The following SNTB1 variants were observed in gnomAD, a reference collection of about 807,000 sequenced individuals.
The protein encoded by SNTB1 is syntrophin beta 1.
SNTB1 carries 36 observed loss-of-function variants against 48.9 expected under a neutral mutation model. The observed-to-expected ratio is 0.74, with a 90% CI of 0.56 to 0.97. The LOEUF (loss-of-function observed/expected upper bound fraction) is 0.97, where lower values mean the gene tolerates loss of function less well. SNTB1 is among the 50% of genes least tolerant of loss of function. The pLI is 0.00. For synonymous variants in SNTB1, 299 were observed against 294.6 expected (o/e 1.01, Z -0.15); for missense variants, 786 against 703.4 (o/e 1.12, Z -1.33).
chr8:120,739,816 C>T (rs1819013208), intron 1 of SNTB1, among the ~76,000 whole-genome samples: 1 of 152,198 alleles, frequency 6.6e-6, no homozygotes, highest in Non-Finnish European at 1.5e-5. Context: ...CTCTTCTTTA[C>T]ATTTTTGCCT....
rs1165602571 is a variant in SNTB1 at position 120,811,325 on chromosome 8, G to C, written c.519C>G (p.His173Gln). Reference protein sequence around the residue: ...VNGADLRDATHDEAVQALKRA... With the variant: ...VNGADLRDATQDEAVQALKRA... ...GCTTCAACGCCTGCACCGCCTCGTC[G>C]TGGGTGGCGTCCCGCAGGTCGGCTC... is the stretch of plus-strand genomic sequence containing the variant. Residue 173 changes from histidine to glutamine, a missense_variant, in exon 1 of 7, where the codon CAC becomes CAG. By Grantham distance (24) the His-to-Gln change is conservative. Coordinates refer to ENST00000517992, the MANE Select transcript of SNTB1 (RefSeq NM_021021.4). 1 of 1,611,190 alleles carries C rather than the reference G, an allele frequency of 6.2e-7. No individual in the cohort carries two copies. Among genetic ancestry groups the C allele is most frequent in the Non-Finnish European group, 8.5e-7 (1 of 1,179,754 alleles).
intron 3 of SNTB1, among the ~76,000 whole-genome samples, chr8:120,596,030 T>C (rs1291950363): frequency 6.6e-6 from 1 of 152,168 alleles, no homozygotes; most frequent in Non-Finnish European, 1.5e-5. Context: ...TGTGTTTCTG[T>C]GTGTGTTCAA....
At chr8:120,551,172 T>C (rs1400045588) in intron 4 of SNTB1, among the ~76,000 whole-genome samples, 4 of 151,232 alleles carry the variant, frequency 2.6e-5, no homozygotes, top group African/African-American at 9.7e-5. Flanking sequence ...AGAAAACTGC[T>C]TGAACCTGGG....
chr8:120,650,831 A>G (rs1294364602), intron 2 of SNTB1, among the ~76,000 whole-genome samples: 6 of 152,168 alleles, frequency 3.9e-5, no homozygotes. Context: ...AGCAGCCCAT[A>G]TTCTCACCAA....
Position 120,811,909 on chromosome 8 carries a change from G to C in SNTB1, c.-66C>G, listed in dbSNP as rs1172010913. On this transcript the variant is annotated 5_prime_UTR_variant, in exon 1 of 7. Transcript: ENST00000517992. ...GGGAAAAGTGGGGAAGGGTGGCCGG[G>C]GGGAGGACGCGGGGCCCGGGGGAGC... 1 of 1,290,032 alleles carries C rather than the reference G, an allele frequency of 7.8e-7. No individual in the cohort carries two copies. The highest frequency in any genetic ancestry group is 1.6e-5 in the African/African-American group (1 of 64,238). The allele number at this position is 1,290,032 out of a possible 1,614,324, so 79.9% of individuals were successfully genotyped here. A position where few individuals can be genotyped will look rare whatever the true frequency, so the allele number is the denominator to read the frequency against.
chr8:120,794,771 T>C (rs1468132317), intron 1 of SNTB1, among the ~76,000 whole-genome samples: 3 of 152,050 alleles, frequency 2.0e-5, no homozygotes, highest in Non-Finnish European at 4.4e-5. Context: ...CCTCTAAAAT[T>C]GGTGAGAGGA....
intron 3 of SNTB1, among the ~76,000 whole-genome samples, chr8:120,600,808 C>A (rs1341350472): frequency 1.3e-5 from 2 of 151,654 alleles, no homozygotes; most frequent in African/African-American, 2.4e-5. Flanking sequence ...GGCACAGCTG[C>A]AGGGCTGTGG....
At chr8:120,689,309 C>T (rs950651448) in intron 2 of SNTB1, among the ~76,000 whole-genome samples, 48 of 152,228 alleles carry the variant, frequency 3.2e-4, no homozygotes. Flanking sequence ...ACACCATTAA[C>T]TCCTGGCCAA....
chr8:120,640,833 A>C (rs898485703), intron 2 of SNTB1, among the ~76,000 whole-genome samples: 25 of 152,102 alleles, frequency 1.6e-4, no homozygotes, highest in Admixed American at 3.3e-4. Flanking sequence ...ATTGGTCTAA[A>C]ATTCTTTTTT....
rs781233350 is a variant in SNTB1 at position 120,749,193 on chromosome 8, C to T, written c.572-55285G>A. On this transcript the variant is annotated intron_variant, in intron 1 of 6. Coordinates refer to ENST00000517992, the MANE Select transcript of SNTB1 (RefSeq NM_021021.4). ...CTTCAACAGATTAGTTAGGAGGTCT[C>T]GGCTGTAGCCTATTTCTAGCTAGTT... Among the ~76,000 whole-genome samples the T allele has an allele frequency of 1.4e-4, 21 of 152,162 alleles. 1 individual carries two copies. Among genetic ancestry groups the T allele is most frequent in the Admixed American group, 6.5e-5 (1 of 15,276 alleles).
intron 3 of SNTB1, among the ~76,000 whole-genome samples, chr8:120,591,085 T>C (rs577236300): frequency 6.6e-6 from 1 of 152,266 alleles, no homozygotes; most frequent in South Asian, 2.1e-4. Flanking sequence ...CAGAAGTAGG[T>C]ACCACACAAA....
intron 1 of SNTB1, among the ~76,000 whole-genome samples, chr8:120,703,385 A>G (rs1427078693): frequency 6.6e-6 from 1 of 152,188 alleles, no homozygotes; most frequent in African/African-American, 2.4e-5. Flanking sequence ...TTGGCCTCCC[A>G]AAGTGCTGGG....
intron 1 of SNTB1, among the ~76,000 whole-genome samples, chr8:120,723,153 A>C (rs777976859): frequency 6.6e-4 from 100 of 152,186 alleles, no homozygotes; most frequent in Non-Finnish European, 1.1e-3. Flanking sequence ...AATGACTTCA[A>C]AATTCCCTTC....
At chr8:120,811,038 T>C (rs1445863243) in intron 1 of SNTB1, among the ~76,000 whole-genome samples, 1 of 152,100 alleles carries the variant, frequency 6.6e-6, no homozygotes, top group Non-Finnish European at 1.5e-5. Context: ...CCTCCTGGAT[T>C]AAAGCCTGGA....
intron 3 of SNTB1, among the ~76,000 whole-genome samples, chr8:120,599,950 T>G (rs745664627): frequency 3.9e-5 from 6 of 152,218 alleles, no homozygotes; most frequent in Non-Finnish European, 8.8e-5. Context: ...TTATTACATT[T>G]AAAAATAGCA....
intron 1 of SNTB1, among the ~76,000 whole-genome samples, chr8:120,791,604 C>T (rs1820037551): frequency 6.6e-6 from 1 of 151,734 alleles, no homozygotes; most frequent in Admixed American, 6.6e-5. Context: ...AAGAAAAAAT[C>T]CAAATAATCC....
chr8:120,588,758 G>A (rs13265960), intron 3 of SNTB1, among the ~76,000 whole-genome samples: 70,329 of 152,010 alleles, frequency 0.46, 18,932 homozygotes, highest in Non-Finnish European at 0.63. Context: ...TATTTCAAGG[G>A]TATTTCTCAA....
At chr8:120,576,842 C>T (rs1046805175) in intron 3 of SNTB1, among the ~76,000 whole-genome samples, 10 of 152,128 alleles carry the variant, frequency 6.6e-5, no homozygotes, top group Non-Finnish European at 1.2e-4. Flanking sequence ...ATGCTTAATA[C>T]AGTGCAGAAT....
chr8:120,741,624 AAC>A (rs1212765188), intron 1 of SNTB1, among the ~76,000 whole-genome samples: 1 of 152,180 alleles, frequency 6.6e-6, no homozygotes, highest in African/African-American at 2.4e-5. Context: ...CAAACAAACA[AAC>A]ACACAAACAA....
Sources: allele counts gnomAD v4.1 joint callset (sites outside exome capture counted in the v4.1 genomes callset), GRCh38; gene constraint gnomAD v4.1.1; transcripts MANE v1.5; gene names NCBI Gene and HGNC (gene_info 2026-07-23, HGNC 2026-07-21).